Variants in NXPH4 observed in about 807,000 individuals in gnomAD.
NXPH4 encodes the protein neurexophilin-4.
A neutral mutation model predicts 21.3 loss-of-function variants in NXPH4; 8 were observed. The ratio of observed to expected loss-of-function variants is 0.38; its 90% confidence interval spans 0.22 to 0.68. NXPH4 has a LOEUF of 0.68. Among genes scored for constraint, NXPH4 ranks in the 30% least tolerant of loss-of-function variants. The pLI is 0.53. For synonymous variants in NXPH4, 219 were observed against 192.6 expected, an observed-to-expected ratio of 1.14 and a Z score of -1.13; for missense variants, 418 against 416.8, an observed-to-expected ratio of 1.00 and a Z score of -0.03.
At chr12:57,220,609 C>A (rs146589419) in intron 1 of NXPH4, among the ~76,000 whole-genome samples, 1 of 152,208 alleles carries the variant, frequency 6.6e-6, no homozygotes, top group African/African-American at 2.4e-5. Flanking sequence ...TCCCCGCCCC[C>A]TCATGCAGTG....
chr12:57,222,504 T>C (rs1218342871), intron 1 of NXPH4, among the ~76,000 whole-genome samples: 4 of 152,134 alleles, frequency 2.6e-5, no homozygotes, highest in African/African-American at 9.7e-5. Context: ...TAACATCTGA[T>C]GGCATGGGGA....
At chr12:57,223,283 A>G (rs1038471304) in intron 1 of NXPH4, among the ~76,000 whole-genome samples, 1 of 152,108 alleles carries the variant, frequency 6.6e-6, no homozygotes, top group Admixed American at 6.6e-5. Context: ...TCAGACCGCT[A>G]TACACAGCCA....
At position 57,216,800 on chromosome 12, in the gene NXPH4, GGCTCC is replaced by G. The variant is rs2037041494; in HGVS notation, c.-167_-163del. 6.7e-6 allele frequency: 1 copy of G among 148,882 alleles called. No individual in the cohort carries two copies. Among genetic ancestry groups the G allele is most frequent in the African/African-American group, 3.2e-5 (1 of 30,970 alleles). 9.2% of individuals were successfully genotyped at this position (148,882 alleles called of 1,614,324 possible). On this transcript the variant is annotated 5_prime_UTR_variant, in exon 1 of 2. Coordinates refer to ENST00000349394, the MANE Select transcript of NXPH4 (RefSeq NM_007224.4). This position sits in a 1 kb window ranked among gnomAD's most constrained non-coding sequence, Gnocchi z 5.3. ...CCGCCCGCGCCCCGCCCCCAGCGCC[GGCTCC>G]GCGCCTCGCGCCCAGTCCGCGGGCC... is the stretch of plus-strand genomic sequence containing the variant.
chr12:57,223,586 T>C (rs1023984985), intron 1 of NXPH4, among the ~76,000 whole-genome samples: 5 of 151,860 alleles, frequency 3.3e-5, no homozygotes, highest in Non-Finnish European at 5.9e-5. Flanking sequence ...TGGTACTGCC[T>C]CCCCCCATGG....
At position 57,224,869 on chromosome 12, in the gene NXPH4, C is replaced by T; in HGVS notation, c.58-9C>T. 1 of 799,460 alleles carries T rather than the reference C, an allele frequency of 1.3e-6. No homozygotes were observed. Among genetic ancestry groups the T allele is most frequent in the Non-Finnish European group, 1.8e-6 (1 of 544,484 alleles). The allele number at this position is 799,460 out of a possible 1,614,324, so 49.5% of individuals were successfully genotyped here. Reference sequence around the variant, plus strand: ...CCAGCGTCTCTCTCTCCTCTTTCTTCGTGCACAGGCCGTCAGTGCCCAGAT... The same window carrying T: ...CCAGCGTCTCTCTCTCCTCTTTCTTTGTGCACAGGCCGTCAGTGCCCAGAT... On this transcript the variant is annotated splice_polypyrimidine_tract_variant and intron_variant, in intron 1 of 1. Transcript: ENST00000349394.
chr12:57,216,901 C>G lies in NXPH4; in HGVS notation c.-69C>G. The G allele has an allele frequency of 8.8e-7, 1 of 1,142,666 alleles. No homozygotes were observed. Among genetic ancestry groups the G allele is most frequent in the East Asian group, 4.0e-5 (1 of 24,694 alleles). 70.8% of individuals were successfully genotyped at this position (1,142,666 alleles called of 1,614,324 possible). A position where few individuals can be genotyped will look rare whatever the true frequency, so the allele number is the denominator to read the frequency against. ...CCGCCCCGCCGCCCGCCCGGAGCCC[C>G]GCGTCCCTAGGCCTGGCTCCCGCCT... is the stretch of plus-strand genomic sequence containing the variant. On this transcript the variant is annotated 5_prime_UTR_variant, in exon 1 of 2. Transcript: ENST00000349394. This position sits in a 1 kb window ranked among gnomAD's most constrained non-coding sequence, Gnocchi z 5.3.
Position 57,225,767 on chromosome 12 carries a change from C to T in NXPH4, c.*20C>T, listed in dbSNP as rs776526929. The T allele has an allele frequency of 7.5e-6, 12 of 1,595,838 alleles. No homozygotes were observed. In the South Asian group the frequency reaches 1.3e-4, roughly 18 times the overall value. Reference sequence around the variant, plus strand: ...GGATAGCGCCCCTCCCCAGCCAGTCCTGAGCCTCCCGCCAAATCCCAGCCT... The same window carrying T: ...GGATAGCGCCCCTCCCCAGCCAGTCTTGAGCCTCCCGCCAAATCCCAGCCT... On this transcript the variant is annotated 3_prime_UTR_variant, in exon 2 of 2. Transcript: ENST00000349394.
At chr12:57,224,052 C>T (rs892764024) in intron 1 of NXPH4, among the ~76,000 whole-genome samples, 4 of 152,258 alleles carry the variant, frequency 2.6e-5, no homozygotes, top group African/African-American at 9.6e-5. Flanking sequence ...GGGCTGAGGC[C>T]CAGGTGGGGG....
Position 57,226,101 on chromosome 12 carries a change from A to C in NXPH4, c.*354A>C. On this transcript the variant is annotated 3_prime_UTR_variant, in exon 2 of 2. Transcript: ENST00000349394. ...ACTCCCTTTCCCCGCAGCTTTAATA[A>C]CTCCTGGCCTGGCACCCTCACCCCA... is the stretch of plus-strand genomic sequence containing the variant. 29 of 474,780 alleles carry C rather than the reference A, an allele frequency of 6.1e-5. No individual in the cohort carries two copies. The highest frequency in any genetic ancestry group is 1.3e-4 in the South Asian group (2 of 15,736). The allele number at this position is 474,780 out of a possible 1,614,324, so 29.4% of individuals were successfully genotyped here.
chr12:57,222,706 T>C (rs1347810414), intron 1 of NXPH4, among the ~76,000 whole-genome samples: 1 of 151,994 alleles, frequency 6.6e-6, no homozygotes, highest in Non-Finnish European at 1.5e-5. Flanking sequence ...CACTGTACCC[T>C]GGGACCCCTC....
At position 57,225,007 on chromosome 12, in the gene NXPH4, C is replaced by A; in HGVS notation, c.187C>A (p.Arg63Ser). The A allele has an allele frequency of 6.7e-7, 1 of 1,495,518 alleles. No homozygotes were observed. The highest frequency in any genetic ancestry group is 1.3e-5 in the South Asian group (1 of 79,112). 92.6% of individuals were successfully genotyped at this position (1,495,518 alleles called of 1,614,324 possible). A position where few individuals can be genotyped will look rare whatever the true frequency, so the allele number is the denominator to read the frequency against. The change falls in exon 2 of 2, where the codon CGC becomes AGC. Residue 63 changes from arginine (R) to serine (S), a missense_variant. Physicochemically the swap from Arg to Ser is moderately radical, Grantham distance 110. Coordinates refer to ENST00000349394, the MANE Select transcript of NXPH4 (RefSeq NM_007224.4). ...GTCTTCGGACGGCCTAGGCGTGGGCCGCGCCTGGAGCTGGGCCTGGCCGAC... is the reference window on the plus strand; with the variant it reads ...GTCTTCGGACGGCCTAGGCGTGGGCAGCGCCTGGAGCTGGGCCTGGCCGAC... ...PRSSDGLGVGRAWSWAWPTNH... is the reference protein window; with the variant it reads ...PRSSDGLGVGSAWSWAWPTNH...
At chr12:57,222,663 T>C (rs1191831989) in intron 1 of NXPH4, among the ~76,000 whole-genome samples, 1 of 152,018 alleles carries the variant, frequency 6.6e-6, no homozygotes, top group Non-Finnish European at 1.5e-5. Context: ...CCCTGCCCTC[T>C]CCAAGCCCAC....
intron 1 of NXPH4, among the ~76,000 whole-genome samples, chr12:57,222,345 T>G (rs967111859): frequency 6.6e-6 from 1 of 151,924 alleles, no homozygotes; most frequent in Non-Finnish European, 1.5e-5. Context: ...CTGAACCTCC[T>G]CCCCTCCCCC....
At position 57,225,863 on chromosome 12, in the gene NXPH4, G is replaced by T. The variant is rs2037141841; in HGVS notation, c.*116G>T. On this transcript the variant is annotated 3_prime_UTR_variant, in exon 2 of 2. Coordinates refer to ENST00000349394, the MANE Select transcript of NXPH4 (RefSeq NM_007224.4). Reference sequence around the variant, plus strand: ...ATGTCGCCCACTCCTTCCACTCTGGGGGCGGAGGGGAATGGCTTCTCGGGA... The same window carrying T: ...ATGTCGCCCACTCCTTCCACTCTGGTGGCGGAGGGGAATGGCTTCTCGGGA... The T allele has an allele frequency of 8.1e-6, 12 of 1,480,410 alleles. No individual in the cohort carries two copies. Among genetic ancestry groups the T allele is most frequent in the Non-Finnish European group, 1.1e-5 (12 of 1,120,656 alleles). 91.7% of individuals were successfully genotyped at this position (1,480,410 alleles called of 1,614,324 possible). A position where few individuals can be genotyped will look rare whatever the true frequency, so the allele number is the denominator to read the frequency against.
At chr12:57,217,845 CCTGT>C (rs1156367632) in intron 1 of NXPH4, among the ~76,000 whole-genome samples, 1 of 152,228 alleles carries the variant, frequency 6.6e-6, no homozygotes, top group East Asian at 1.9e-4. Flanking sequence ...ACCGTGTGCA[CCTGT>C]GTGCATGTGT....
rs150133419 is a variant in NXPH4 at position 57,217,893 on chromosome 12, C to T, written c.57+867C>T. 2.2e-3 allele frequency among the ~76,000 whole-genome samples: 332 copies of T among 152,306 alleles called. 1 individual carries two copies. The highest frequency in any genetic ancestry group is 3.7e-3 in the Admixed American group (57 of 15,302). ...GCCAGGCTTGGTCCAGTACTGGGGC[C>T]GAGGGTACATGTGTATACTGGTGTG... is the stretch of plus-strand genomic sequence containing the variant. On this transcript the variant is annotated intron_variant, in intron 1 of 1. Coordinates refer to ENST00000349394, the MANE Select transcript of NXPH4 (RefSeq NM_007224.4).
At chr12:57,219,709 C>A (rs2037072179) in intron 1 of NXPH4, among the ~76,000 whole-genome samples, 1 of 139,630 alleles carries the variant, frequency 7.2e-6, no homozygotes, top group Non-Finnish European at 1.5e-5. Context: ...TAATCAGGGG[C>A]CGCAGCTGGG....
At position 57,226,035 on chromosome 12, in the gene NXPH4, C is replaced by T; in HGVS notation, c.*288C>T. On this transcript the variant is annotated 3_prime_UTR_variant, in exon 2 of 2. Coordinates refer to ENST00000349394, the MANE Select transcript of NXPH4 (RefSeq NM_007224.4). ...GAGGCGGTCCCAATGTCCCCTGGGT[C>T]CACAGTGGGTCCCCTTTTCACCCTT... The T allele has an allele frequency of 1.1e-6, 1 of 907,486 alleles. No homozygotes were observed. Among genetic ancestry groups the T allele is most frequent in the Non-Finnish European group, 1.6e-6 (1 of 638,218 alleles). 56.2% of individuals were successfully genotyped at this position (907,486 alleles called of 1,614,324 possible). A position where few individuals can be genotyped will look rare whatever the true frequency, so the allele number is the denominator to read the frequency against.
Position 57,226,045 on chromosome 12 carries a change from TCC to T in NXPH4, c.*301_*302del. The stretch of plus-strand genomic sequence containing the variant: ...CAATGTCCCCTGGGTCCACAGTGGG[TCC>T]CCTTTTCACCCTTGGCGCTAGGCTG... On this transcript the variant is annotated 3_prime_UTR_variant, in exon 2 of 2. Transcript: ENST00000349394. The T allele has an allele frequency of 1.2e-6, 1 of 827,100 alleles. No homozygotes were observed. Among genetic ancestry groups the T allele is most frequent in the Non-Finnish European group, 1.8e-6 (1 of 569,642 alleles). The allele number at this position is 827,100 out of a possible 1,614,324, so 51.2% of individuals were successfully genotyped here. A position where few individuals can be genotyped will look rare whatever the true frequency, so the allele number is the denominator to read the frequency against.
Sources: allele counts gnomAD v4.1 joint callset (sites outside exome capture counted in the v4.1 genomes callset), GRCh38; gene constraint gnomAD v4.1.1; non-coding constraint Gnocchi (gnomAD v3.1); transcripts MANE v1.5; gene names NCBI Gene and HGNC (gene_info 2026-07-23, HGNC 2026-07-21).